SLC24A2: variants seen among roughly 807,000 people sequenced by gnomAD.
SLC24A2 encodes the protein sodium/potassium/calcium exchanger 2.
In SLC24A2, 36 loss-of-function variants were observed where a neutral mutation model predicts 62.0. That is an observed-to-expected ratio of 0.58 (90% CI 0.44 to 0.77). The LOEUF (loss-of-function observed/expected upper bound fraction) is 0.77. Among genes scored for constraint, SLC24A2 ranks in the 30% least tolerant of loss-of-function variants. SLC24A2 has a pLI of 0.00. For missense variants in SLC24A2, 846 were observed against 817.9 expected (o/e 1.03, Z -0.42); for synonymous variants, 358 against 294.0 (o/e 1.22, Z -2.23).
At chr9:20,135,052 CT>C in the SLC24A2 span, among the ~76,000 whole-genome samples, 2 of 152,232 alleles carry the variant, frequency 1.3e-5, no homozygotes, top group East Asian at 3.9e-4. Context: ...AAGCAGACAT[CT>C]TTTTAGAAGC....
chr9:20,297,831 G>T, the SLC24A2 span, among the ~76,000 whole-genome samples: 1 of 152,200 alleles, frequency 6.6e-6, no homozygotes, highest in Admixed American at 6.5e-5. Flanking sequence ...AACATCCTTT[G>T]CTCACAGCCC....
the SLC24A2 span, among the ~76,000 whole-genome samples, chr9:19,850,965 A>T: frequency 4.0e-5 from 2 of 49,752 alleles, no homozygotes; most frequent in African/African-American, 1.6e-4. Flanking sequence ...ATATATATAT[A>T]TGTATATATA....
intron 9 of SLC24A2, among the ~76,000 whole-genome samples, chr9:19,523,741 G>C (rs1833304273): frequency 6.6e-6 from 1 of 152,138 alleles, no homozygotes; most frequent in Non-Finnish European, 1.5e-5. Flanking sequence ...GGGATTGCAG[G>C]GGTGAGCCAC....
intron 2 of SLC24A2, among the ~76,000 whole-genome samples, chr9:19,667,059 C>T (rs1030469795): frequency 1.3e-5 from 2 of 152,082 alleles, no homozygotes; most frequent in Non-Finnish European, 2.9e-5. Context: ...ACTCATAAAT[C>T]TAGATGCCAT....
At chr9:19,533,278 T>C (rs1833792348) in intron 8 of SLC24A2, among the ~76,000 whole-genome samples, 1 of 152,112 alleles carries the variant, frequency 6.6e-6, no homozygotes, top group Non-Finnish European at 1.5e-5. Context: ...GAGGGGCAAA[T>C]ATGTATTAGT....
At position 19,766,823 on chromosome 9, in the gene SLC24A2, G is replaced by A. The variant is rs539114337; in HGVS notation, c.930+19114C>T. On this transcript the variant is annotated intron_variant, in intron 2 of 10. Coordinates refer to ENST00000341998, the MANE Select transcript of SLC24A2 (RefSeq NM_020344.4). ...TCCCTTAGCAGAGCTCGAGTGCTGTGCTGGGAGATCTGCTGCTCTCTTCAG... is the reference window on the plus strand; with the variant it reads ...TCCCTTAGCAGAGCTCGAGTGCTGTACTGGGAGATCTGCTGCTCTCTTCAG... Among the ~76,000 whole-genome samples, 322 of 152,338 alleles carry A rather than the reference G, an allele frequency of 2.1e-3. 1 individual carries two copies. Among genetic ancestry groups the A allele is most frequent in the African/African-American group, 7.4e-3 (309 of 41,574 alleles).
At chr9:19,720,040 T>A (rs977549622) in intron 2 of SLC24A2, among the ~76,000 whole-genome samples, 1 of 152,110 alleles carries the variant, frequency 6.6e-6, no homozygotes, top group Non-Finnish European at 1.5e-5. Flanking sequence ...GGAAGTGACA[T>A]AAATGAATGA....
chr9:19,979,518 T>C, the SLC24A2 span, among the ~76,000 whole-genome samples: 2 of 152,200 alleles, frequency 1.3e-5, no homozygotes, highest in African/African-American at 4.8e-5. Flanking sequence ...TGTACACATA[T>C]AGACATACAC....
At chr9:19,817,953 C>T in the SLC24A2 span, among the ~76,000 whole-genome samples, 1 of 152,024 alleles carries the variant, frequency 6.6e-6, no homozygotes, top group Non-Finnish European at 1.5e-5. Context: ...TGGTCTTGAA[C>T]TCTTGGCCTC....
At chr9:20,051,491 A>C in the SLC24A2 span, among the ~76,000 whole-genome samples, 9 of 152,170 alleles carry the variant, frequency 5.9e-5, no homozygotes, top group South Asian at 2.1e-4. Flanking sequence ...AGCAAACTTC[A>C]TATCATGGAC....
Position 19,534,824 on chromosome 9 carries a change from T to G in SLC24A2, c.1480-6686A>C, listed in dbSNP as rs533876764. On this transcript the variant is annotated intron_variant, in intron 8 of 10. Transcript: ENST00000341998. ...AATAGTGCCACAATAAACATATGTGTACATGTGTCTTTATAGTAGAATGAT... is the reference window on the plus strand; with the variant it reads ...AATAGTGCCACAATAAACATATGTGGACATGTGTCTTTATAGTAGAATGAT... 5.3e-5 allele frequency among the ~76,000 whole-genome samples: 8 copies of G among 152,334 alleles called. No individual in the cohort carries two copies. In the East Asian group the frequency reaches 1.3e-3, roughly 26 times the overall value.
the SLC24A2 span, among the ~76,000 whole-genome samples, chr9:19,854,368 T>C: frequency 6.6e-6 from 1 of 152,176 alleles, no homozygotes; most frequent in Non-Finnish European, 1.5e-5. Context: ...TAGTTCTTGG[T>C]TCTCTAGTTG....
intron 9 of SLC24A2, among the ~76,000 whole-genome samples, chr9:19,522,717 A>G (rs1217282435): frequency 6.6e-6 from 1 of 152,174 alleles, no homozygotes; most frequent in Non-Finnish European, 1.5e-5. Context: ...CAGAACATAC[A>G]CAGCCTGATA....
At chr9:20,268,436 G>C in the SLC24A2 span, among the ~76,000 whole-genome samples, 5 of 152,138 alleles carry the variant, frequency 3.3e-5, no homozygotes, top group African/African-American at 1.2e-4. Flanking sequence ...TTTACTTATG[G>C]ATTAATGAAT....
intron 7 of SLC24A2, among the ~76,000 whole-genome samples, chr9:19,565,629 G>T (rs1334918478): frequency 6.6e-6 from 1 of 152,076 alleles, no homozygotes; most frequent in Non-Finnish European, 1.5e-5. Context: ...AAGTTCATAT[G>T]GAACCAAAAA....
the SLC24A2 span, among the ~76,000 whole-genome samples, chr9:20,133,513 C>T: frequency 4.6e-5 from 7 of 152,046 alleles, no homozygotes; most frequent in East Asian, 1.9e-4. Context: ...AATTAAGCAT[C>T]GCAAATTACA....
the SLC24A2 span, among the ~76,000 whole-genome samples, chr9:20,101,310 A>G: frequency 6.6e-6 from 1 of 152,234 alleles, no homozygotes; most frequent in Admixed American, 6.5e-5. Flanking sequence ...AATTGGACTT[A>G]CTATTCAAGT....
the SLC24A2 span, among the ~76,000 whole-genome samples, chr9:20,222,367 G>T: frequency 6.6e-6 from 1 of 151,832 alleles, no homozygotes. Flanking sequence ...AACAATCAAC[G>T]TAAGTATTTA....
At chr9:19,631,058 A>G (rs1041546116) in intron 2 of SLC24A2, among the ~76,000 whole-genome samples, 3 of 151,924 alleles carry the variant, frequency 2.0e-5, no homozygotes, top group Admixed American at 2.0e-4. Context: ...CTTTTGTATT[A>G]TTTGTCTCAT....
Sources: gnomAD v4.1 joint callset for allele counts (sites outside exome capture counted in the v4.1 genomes callset) on GRCh38, gnomAD v4.1.1 for gene constraint, MANE v1.5 for transcripts, NCBI Gene and HGNC (gene_info 2026-07-23, HGNC 2026-07-21) for gene names.